The following FARP1 variants were observed in gnomAD, a reference collection of about 807,000 sequenced individuals.
The protein encoded by FARP1 is FERM, ARHGEF and pleckstrin domain-containing protein 1.
In FARP1, 52 loss-of-function variants were observed where a neutral mutation model predicts 128.8. The observed-to-expected ratio is 0.40, with a 90% CI of 0.32 to 0.51. FARP1 has a LOEUF of 0.51. Among genes scored for constraint, FARP1 ranks in the 20% least tolerant of loss-of-function variants. The pLI, the probability that FARP1 is intolerant of heterozygous loss-of-function variation, is 0.45. For missense variants in FARP1, 1,333 were observed against 1,367.9 expected, an observed-to-expected ratio of 0.97 and a Z score of 0.40; for synonymous variants, 580 against 551.8, an observed-to-expected ratio of 1.05 and a Z score of -0.72.
intron 2 of FARP1, among the ~76,000 whole-genome samples, chr13:98,293,654 T>C (rs567956717): frequency 1.9e-4 from 29 of 152,296 alleles, no homozygotes; most frequent in South Asian, 8.3e-4. Flanking sequence ...GATCACAACT[T>C]ATCCTGAATG....
intron 2 of FARP1, among the ~76,000 whole-genome samples, chr13:98,298,967 G>A (rs1423954160): frequency 6.6e-6 from 1 of 152,172 alleles, no homozygotes; most frequent in Non-Finnish European, 1.5e-5. Flanking sequence ...AAGTGGAGGG[G>A]CTGCCAAAAA....
intron 2 of FARP1, among the ~76,000 whole-genome samples, chr13:98,335,346 T>G (rs554066285): frequency 6.6e-6 from 1 of 152,258 alleles, no homozygotes; most frequent in East Asian, 1.9e-4. Flanking sequence ...GAGGAGCAAG[T>G]CATGTCTTAC....
rs140602243 is a variant in FARP1 at position 98,194,362 on chromosome 13, C to G, written c.-23-18858C>G. ...GAACTTCTGACCTCAGGTGATCCAC[C>G]CGCCTCGGCCTCCCAAAGTGCTGGG... On this transcript the variant is annotated intron_variant, in intron 1 of 26. Coordinates refer to ENST00000319562, the MANE Select transcript of FARP1 (RefSeq NM_005766.4). 6.2e-4 allele frequency among the ~76,000 whole-genome samples: 95 copies of G among 152,308 alleles called. 1 individual carries two copies. In the East Asian group the frequency reaches 0.015, roughly 24 times the overall value.
Position 98,176,699 on chromosome 13 carries a change from G to C in FARP1, c.-24+33207G>C, listed in dbSNP as rs547887726. The C allele has an allele frequency of 3.2e-5, 51 of 1,614,194 alleles. 1 individual carries two copies. In the South Asian group the frequency reaches 5.4e-4, roughly 17 times the overall value. Reference sequence around the variant, plus strand: ...CGCACAGTGGCGCGCAGATGCCCTGGCGCACGTATGGGGCCCTTCCTCGCC... The same window carrying C: ...CGCACAGTGGCGCGCAGATGCCCTGCCGCACGTATGGGGCCCTTCCTCGCC... On this transcript the variant is annotated intron_variant, in intron 1 of 26. Coordinates refer to ENST00000319562, the MANE Select transcript of FARP1 (RefSeq NM_005766.4). This position sits in a 1 kb window ranked among gnomAD's most constrained non-coding sequence, Gnocchi z 6.2.
intron 1 of FARP1, among the ~76,000 whole-genome samples, chr13:98,193,859 A>G (rs1879398213): frequency 6.6e-6 from 1 of 152,174 alleles, no homozygotes; most frequent in African/African-American, 2.4e-5. Flanking sequence ...GCTTCTAGTG[A>G]TCCTTGCTTC....
chr13:98,176,142 A>T lies in FARP1; in HGVS notation c.-24+32650A>T. 1.2e-6 allele frequency: 2 copies of T among 1,600,300 alleles called. No homozygotes were observed. The highest frequency in any genetic ancestry group is 2.2e-5 in the South Asian group (2 of 90,316). ...TCAACAGGCTGCTTCTCCCCAGTGTACATACAGACTTGAGTCTTTCTTATC... is the reference window on the plus strand; with the variant it reads ...TCAACAGGCTGCTTCTCCCCAGTGTTCATACAGACTTGAGTCTTTCTTATC... On this transcript the variant is annotated intron_variant, in intron 1 of 26. Transcript: ENST00000319562. This position sits in a 1 kb window ranked among gnomAD's most constrained non-coding sequence, Gnocchi z 6.2.
intron 3 of FARP1, chr13:98,345,520 A>G (rs1594427166): frequency 6.6e-6 from 1 of 152,230 alleles, no homozygotes; most frequent in African/African-American, 2.4e-5. Context: ...AGTTGTTACC[A>G]GGCTTGACTT....
intron 2 of FARP1, 88 bp from the exon 3 acceptor site, chr13:98,343,674 G>A (rs1480725685): frequency 1.1e-6 from 1 of 922,178 alleles, no homozygotes; most frequent in African/African-American, 1.6e-5. Flanking sequence ...GCAGACTTAG[G>A]AATCCAGAGG....
At chr13:98,235,168 G>T (rs1280171385) in intron 2 of FARP1, among the ~76,000 whole-genome samples, 2 of 152,122 alleles carry the variant, frequency 1.3e-5, no homozygotes, top group Admixed American at 1.3e-4. Flanking sequence ...CTGTGGTGGA[G>T]CTGCTTGGCA....
At chr13:98,171,189 C>G (rs917840871) in intron 1 of FARP1, among the ~76,000 whole-genome samples, 1 of 152,170 alleles carries the variant, frequency 6.6e-6, no homozygotes, top group Non-Finnish European at 1.5e-5. Flanking sequence ...ATTTTCAGCC[C>G]TGAATTACAC....
At chr13:98,236,950 C>T (rs916022221) in intron 2 of FARP1, among the ~76,000 whole-genome samples, 17 of 152,246 alleles carry the variant, frequency 1.1e-4, no homozygotes, top group Non-Finnish European at 2.2e-4. Flanking sequence ...CAAGACTGCG[C>T]CATTGCACTC....
chr13:98,368,668 G>A (rs1254004915), intron 5 of FARP1, among the ~76,000 whole-genome samples: 4 of 152,204 alleles, frequency 2.6e-5, no homozygotes, highest in Middle Eastern at 3.4e-3. Context: ...TGCTGTGACG[G>A]GCCAGTTACT....
chr13:98,389,781 C>T lies in FARP1; in HGVS notation c.856-176C>T, dbSNP rs1330046796. On this transcript the variant is annotated intron_variant, in intron 9 of 26. Transcript: ENST00000319562. ...GAAGAAAATGATGGACTAGGGACCA[C>T]ATCTTGTCCTTAAGAATAACTAGAG... 5 of 600,594 alleles carry T rather than the reference C, an allele frequency of 8.3e-6. No homozygotes were observed. In the Admixed American group the frequency reaches 9.7e-5, roughly 12 times the overall value. The allele number at this position is 600,594 out of a possible 1,614,324, so 37.2% of individuals were successfully genotyped here.
intron 2 of FARP1, among the ~76,000 whole-genome samples, chr13:98,224,269 TG>T (rs1256936612): frequency 2.0e-5 from 3 of 152,136 alleles, no homozygotes; most frequent in African/African-American, 7.2e-5. Flanking sequence ...GGCTCATGCC[TG>T]TAATCCCAGC....
At chr13:98,325,034 A>T (rs1176042785) in intron 2 of FARP1, among the ~76,000 whole-genome samples, 1 of 152,242 alleles carries the variant, frequency 6.6e-6, no homozygotes, top group African/African-American at 2.4e-5. Context: ...AGAATGTGAA[A>T]TAGATACTGT....
At chr13:98,259,359 G>A (rs1333179667) in intron 2 of FARP1, among the ~76,000 whole-genome samples, 1 of 152,078 alleles carries the variant, frequency 6.6e-6, no homozygotes, top group Non-Finnish European at 1.5e-5. Flanking sequence ...ATACGTGTGT[G>A]TGTGTGTGTA....
chr13:98,406,421 C>G (rs1890973787), intron 13 of FARP1: 1 of 152,194 alleles, frequency 6.6e-6, no homozygotes, highest in Non-Finnish European at 1.5e-5. Context: ...GATTTCTAGA[C>G]CAGACTTTGA....
chr13:98,227,747 G>A (rs1488806634), intron 2 of FARP1, among the ~76,000 whole-genome samples: 1 of 152,154 alleles, frequency 6.6e-6, no homozygotes, highest in African/African-American at 2.4e-5. Context: ...AAATGGAGAA[G>A]CAAAGTGTGT....
chr13:98,386,920 G>A (rs1890118867), intron 8 of FARP1, among the ~76,000 whole-genome samples: 1 of 152,234 alleles, frequency 6.6e-6, no homozygotes. Flanking sequence ...GTAGTAGGGA[G>A]TGACATTGTG....
Sources: gnomAD v4.1 joint callset for allele counts (sites outside exome capture counted in the v4.1 genomes callset) on GRCh38, gnomAD v4.1.1 for gene constraint, Gnocchi (gnomAD v3.1) non-coding constraint, MANE v1.5 for transcripts, NCBI Gene and HGNC (gene_info 2026-07-23, HGNC 2026-07-21) for gene names.